The following BTG4 variants were observed in gnomAD, a reference collection of about 807,000 sequenced individuals.
BTG4 encodes BTG anti-proliferation factor 4.
In BTG4, 10 loss-of-function variants were observed where a neutral mutation model predicts 19.3. The observed-to-expected ratio is 0.52, with a 90% CI of 0.32 to 0.88. The LOEUF (loss-of-function observed/expected upper bound fraction) is 0.88, where lower values mean the gene tolerates loss of function less well. Ranked by LOEUF, BTG4 falls within the 40% of genes least tolerant of loss-of-function variation. The pLI is 0.04. For missense variants in BTG4, 238 were observed against 281.9 expected (o/e 0.84, Z 1.11); for synonymous variants, 91 against 95.7 (o/e 0.95, Z 0.29).
chr11:111,466,964 C>T (rs745947555), downstream of BTG4: 1 of 152,622 alleles, frequency 6.6e-6, no homozygotes, highest in Non-Finnish European at 1.5e-5. Context: ...CAGGAAGAAG[C>T]CTTTGAGATG....
the BTG4 span, chr11:111,385,824 A>G: frequency 6.6e-6 from 1 of 152,226 alleles, no homozygotes; most frequent in African/African-American, 2.4e-5. Flanking sequence ...AAAAATCTAG[A>G]GTGATGTTAT....
intron 5 of BTG4, among the ~76,000 whole-genome samples, chr11:111,473,092 A>C (rs1864171050): frequency 6.6e-6 from 1 of 152,092 alleles, no homozygotes; most frequent in Non-Finnish European, 1.5e-5. Flanking sequence ...AAAAAAAAAA[A>C]AACACCAAAC....
At chr11:111,433,192 G>C in the BTG4 span, among the ~76,000 whole-genome samples, 1 of 152,176 alleles carries the variant, frequency 6.6e-6, no homozygotes, top group Admixed American at 6.5e-5. Context: ...AACAAAGATG[G>C]AAGAGACCTT....
downstream of BTG4, among the ~76,000 whole-genome samples, chr11:111,465,868 C>T (rs1863691083): frequency 6.6e-6 from 1 of 152,038 alleles, no homozygotes; most frequent in South Asian, 2.1e-4. Context: ...GCTAACAAAG[C>T]CTAAAATACT....
chr11:111,514,686 C>T, upstream of BTG4: 1 of 907,084 alleles, frequency 1.1e-6, no homozygotes, highest in Non-Finnish European at 1.6e-6. Flanking sequence ...CGAGGGCAGC[C>T]GGCAGGGGCT....
chr11:111,400,520 A>G, the BTG4 span, among the ~76,000 whole-genome samples: 4 of 152,332 alleles, frequency 2.6e-5, no homozygotes, highest in East Asian at 7.7e-4. Flanking sequence ...AATATAGCAT[A>G]ACTTTAACAT....
the BTG4 span, among the ~76,000 whole-genome samples, chr11:111,397,425 T>G: frequency 6.6e-6 from 1 of 152,140 alleles, no homozygotes; most frequent in African/African-American, 2.4e-5. Context: ...TTCTTAAAAT[T>G]TCCACACCAG....
In BTG4 at chr11:111,495,033, A is replaced by T. The variant is rs1329371917; in HGVS notation, c.*102T>A. The T allele has an allele frequency of 7.3e-7, 1 of 1,366,332 alleles. No individual in the cohort carries two copies. The allele number at this position is 1,366,332 out of a possible 1,614,324, so 84.6% of individuals were successfully genotyped here. On this transcript the variant is annotated 3_prime_UTR_variant, in exon 5 of 5. Coordinates refer to ENST00000692032, the MANE Select transcript of BTG4 (RefSeq NM_001367975.1). Reference sequence around the variant, plus strand: ...GTGTACCCTAGTCCCTAATATGGTCATTTTTTGTTTCATGGGCCTCTCAAC... The same window carrying T: ...GTGTACCCTAGTCCCTAATATGGTCTTTTTTTGTTTCATGGGCCTCTCAAC...
At chr11:111,397,419 T>C in the BTG4 span, among the ~76,000 whole-genome samples, 1 of 152,136 alleles carries the variant, frequency 6.6e-6, no homozygotes, top group Admixed American at 6.5e-5. Context: ...TTGCAGTTCT[T>C]AAAATTTCCA....
chr11:111,454,261 G>C, the BTG4 span: 1 of 456,102 alleles, frequency 2.2e-6, no homozygotes, highest in South Asian at 1.6e-5. Flanking sequence ...CTGAGGAGCA[G>C]GTAGATCTGG....
chr11:111,496,975 G>A, intron 4 of BTG4: 1 of 408,290 alleles, frequency 2.4e-6, no homozygotes. Flanking sequence ...AATACTGTAT[G>A]AAGAAATAGG....
intron 5 of BTG4, among the ~76,000 whole-genome samples, chr11:111,476,721 T>C (rs1278331716): frequency 6.6e-6 from 1 of 152,146 alleles, no homozygotes; most frequent in African/African-American, 2.4e-5. Context: ...AAAATAGTCA[T>C]TGCCCATAAG....
chr11:111,509,196 C>A (rs1438219494), intron 1 of BTG4, among the ~76,000 whole-genome samples: 2 of 152,110 alleles, frequency 1.3e-5, no homozygotes, highest in African/African-American at 2.4e-5. Context: ...TTCATTTTAG[C>A]TCAAAAGAAA....
At chr11:111,460,899 G>T in the BTG4 span, among the ~76,000 whole-genome samples, 1 of 151,970 alleles carries the variant, frequency 6.6e-6, no homozygotes, top group East Asian at 1.9e-4. Context: ...CACCCCCATG[G>T]CATCCCCATC....
At chr11:111,483,066 T>G (rs952178683) in intron 5 of BTG4, among the ~76,000 whole-genome samples, 17 of 152,056 alleles carry the variant, frequency 1.1e-4, no homozygotes, top group Admixed American at 1.1e-3. Flanking sequence ...ATTGAACAAC[T>G]ACCCATGCAA....
At chr11:111,492,734 C>T (rs902810400), downstream of BTG4, among the ~76,000 whole-genome samples, 4 of 152,164 alleles carry the variant, frequency 2.6e-5, no homozygotes, top group African/African-American at 9.7e-5. Flanking sequence ...TAAGGAACCC[C>T]TAACATATGA....
At chr11:111,494,637 T>G (rs1356657571), downstream of BTG4, among the ~76,000 whole-genome samples, 1 of 152,066 alleles carries the variant, frequency 6.6e-6, no homozygotes, top group African/African-American at 2.4e-5. Flanking sequence ...GGAGAAAGAA[T>G]GAATGGTGGC....
At chr11:111,413,352 T>C in the BTG4 span, among the ~76,000 whole-genome samples, 1 of 152,244 alleles carries the variant, frequency 6.6e-6, no homozygotes, top group Non-Finnish European at 1.5e-5. Flanking sequence ...TCCACATGTT[T>C]CACAAGCTCC....
downstream of BTG4, among the ~76,000 whole-genome samples, chr11:111,462,635 G>T (rs1296393566): frequency 1.1e-4 from 16 of 152,208 alleles, no homozygotes; most frequent in Non-Finnish European, 1.5e-5. Context: ...CCTACCCCTG[G>T]TGGTGGTCGC....
Sources: gnomAD v4.1 joint callset for allele counts (sites outside exome capture counted in the v4.1 genomes callset) on GRCh38, gnomAD v4.1.1 for gene constraint, MANE v1.5 for transcripts, NCBI Gene and HGNC (gene_info 2026-07-23, HGNC 2026-07-21) for gene names.